Variants in ANTXR1 observed in about 807,000 individuals in gnomAD.
ANTXR1 encodes ANTXR cell adhesion molecule 1, also known as anthrax toxin receptor 1.
In ANTXR1, 19 loss-of-function variants were observed where a neutral mutation model predicts 78.1. The observed-to-expected ratio is 0.24, with a 90% CI of 0.17 to 0.36. The LOEUF is 0.36. Ranked by LOEUF, ANTXR1 falls within the 10% of genes least tolerant of loss-of-function variation. ANTXR1 has a pLI of 1.00. For synonymous variants in ANTXR1, 273 were observed against 260.5 expected (o/e 1.05, Z -0.46); for missense variants, 518 against 718.6 (o/e 0.72, Z 3.19).
intron 17 of ANTXR1, among the ~76,000 whole-genome samples, chr2:69,206,502 A>G (rs539618147): frequency 4.7e-4 from 71 of 152,340 alleles, no homozygotes; most frequent in African/African-American, 1.6e-3. Flanking sequence ...TTCTTTCTCT[A>G]ACAAGGGAAG....
At chr2:69,118,144 C>G (rs747658889) in intron 10 of ANTXR1, among the ~76,000 whole-genome samples, 2 of 151,788 alleles carry the variant, frequency 1.3e-5, no homozygotes, top group Non-Finnish European at 2.9e-5. Context: ...GGCCCAGTGG[C>G]TCACACCTGT....
chr2:69,036,549 G>A (rs1007288925), intron 1 of ANTXR1, among the ~76,000 whole-genome samples: 1 of 152,164 alleles, frequency 6.6e-6, no homozygotes, highest in Non-Finnish European at 1.5e-5. Context: ...CTCTACCGAT[G>A]AGGAAATTGG....
intron 1 of ANTXR1, among the ~76,000 whole-genome samples, chr2:69,024,125 G>T (rs1671276020): frequency 1.3e-5 from 2 of 152,168 alleles, no homozygotes. Context: ...TTAAGGATCA[G>T]CAGGATTGGA....
intron 10 of ANTXR1, among the ~76,000 whole-genome samples, chr2:69,112,878 C>T (rs1001020621): frequency 1.2e-4 from 18 of 152,082 alleles, no homozygotes; most frequent in African/African-American, 4.3e-4. Context: ...AATACAGATA[C>T]GTTGAAATTT....
chr2:69,087,498 G>T (rs1671091225), intron 8 of ANTXR1, among the ~76,000 whole-genome samples: 1 of 152,132 alleles, frequency 6.6e-6, no homozygotes, highest in African/African-American at 2.4e-5. Flanking sequence ...CCAAAATTGG[G>T]GTTCAGAAAA....
At position 69,073,071 on chromosome 2, in the gene ANTXR1, T is replaced by C. The variant is rs768226090; in HGVS notation, c.462T>C (p.His154=). ...TTGCTTTGACTGATGGAGAACTCCATGAAGATCTCTTTTTCTATTCAGAGA... is the reference window on the plus strand; with the variant it reads ...TTGCTTTGACTGATGGAGAACTCCACGAAGATCTCTTTTTCTATTCAGAGA... ...VIIALTDGEL[H]EDLFFYSERE... Residue 154 remains histidine (H), a synonymous_variant, in exon 6 of 18, where the codon CAT becomes CAC. Transcript: ENST00000303714. 8.7e-6 allele frequency: 14 copies of C among 1,613,954 alleles called. No homozygotes were observed. Among genetic ancestry groups the C allele is most frequent in the Non-Finnish European group, 1.2e-5 (14 of 1,179,932 alleles).
intron 8 of ANTXR1, among the ~76,000 whole-genome samples, chr2:69,086,041 A>G (rs116733957): frequency 5.0e-4 from 76 of 152,360 alleles, no homozygotes; most frequent in African/African-American, 1.8e-3. Flanking sequence ...ACTTTCTGAA[A>G]TATGTGTGAA....
At chr2:69,099,283 G>A (rs958121721) in intron 9 of ANTXR1, among the ~76,000 whole-genome samples, 2 of 152,222 alleles carry the variant, frequency 1.3e-5, no homozygotes, top group African/African-American at 2.4e-5. Context: ...TAGCATGTAT[G>A]AGAATTTGAT....
intron 14 of ANTXR1, chr2:69,172,337 C>A: frequency 6.3e-7 from 1 of 1,598,064 alleles, no homozygotes; most frequent in Non-Finnish European, 8.6e-7. Flanking sequence ...AGTTAGGCCA[C>A]CTAATCTCCT....
At chr2:69,125,341 T>C (rs1179723341) in intron 12 of ANTXR1, among the ~76,000 whole-genome samples, 1 of 152,160 alleles carries the variant, frequency 6.6e-6, no homozygotes, top group African/African-American at 2.4e-5. Context: ...TTTAAAAAGA[T>C]TGGTGCCCTG....
chr2:69,126,473 C>A (rs1672543954), intron 12 of ANTXR1, among the ~76,000 whole-genome samples: 1 of 151,872 alleles, frequency 6.6e-6, no homozygotes, highest in South Asian at 2.1e-4. Context: ...GAAAATTGAC[C>A]CTTCTGGGAC....
At chr2:69,226,435 G>T (rs144425474) in intron 17 of ANTXR1, among the ~76,000 whole-genome samples, 50 of 152,292 alleles carry the variant, frequency 3.3e-4, no homozygotes, top group African/African-American at 1.1e-3. Context: ...GCCGGAGGAA[G>T]GCAAAGGTCA....
intron 1 of ANTXR1, among the ~76,000 whole-genome samples, chr2:69,026,593 T>C (rs1245805674): frequency 1.3e-5 from 2 of 152,244 alleles, no homozygotes; most frequent in African/African-American, 4.8e-5. Flanking sequence ...AATATGTGCA[T>C]ACTATAAGTA....
chr2:69,169,548 T>C (rs528136841), intron 13 of ANTXR1, among the ~76,000 whole-genome samples: 21 of 152,370 alleles, frequency 1.4e-4, no homozygotes, highest in Non-Finnish European at 2.2e-4. Context: ...CATTCTCTCA[T>C]GGGTTAGACT....
At chr2:69,023,527 A>C (rs1442017953) in intron 1 of ANTXR1, among the ~76,000 whole-genome samples, 1 of 90,346 alleles carries the variant, frequency 1.1e-5, no homozygotes, top group African/African-American at 8.3e-5. Flanking sequence ...GATGATGATG[A>C]TGATGATGAT....
At chr2:69,225,314 T>C (rs1675419015) in intron 17 of ANTXR1, among the ~76,000 whole-genome samples, 1 of 152,074 alleles carries the variant, frequency 6.6e-6, no homozygotes, top group South Asian at 2.1e-4. Flanking sequence ...GGATCCCTAA[T>C]GTTGAAAATA....
intron 10 of ANTXR1, among the ~76,000 whole-genome samples, chr2:69,105,308 G>A (rs1345243831): frequency 6.6e-6 from 1 of 152,172 alleles, no homozygotes; most frequent in African/African-American, 2.4e-5. Context: ...TTGGGGTAGG[G>A]ATTTGGCTTA....
chr2:69,227,781 G>A (rs772317929), intron 17 of ANTXR1, among the ~76,000 whole-genome samples: 7 of 152,130 alleles, frequency 4.6e-5, no homozygotes, highest in Non-Finnish European at 8.8e-5. Flanking sequence ...CTTAGAATTT[G>A]GACATATAAT....
chr2:69,183,584 T>TG (rs1558629086), intron 16 of ANTXR1, among the ~76,000 whole-genome samples: 46 of 140,264 alleles, frequency 3.3e-4, no homozygotes, highest in African/African-American at 1.3e-3. Context: ...GTTTTTTTTT[T>TG]TTTTTTTTTT....
Sources: gnomAD v4.1 joint callset for allele counts (sites outside exome capture counted in the v4.1 genomes callset) on GRCh38, gnomAD v4.1.1 for gene constraint, MANE v1.5 for transcripts, NCBI Gene and HGNC (gene_info 2026-07-23, HGNC 2026-07-21) for gene names.